The following RNGTT variants were observed in gnomAD, a reference collection of about 807,000 sequenced individuals.
RNGTT encodes RNA guanylyltransferase and 5'-phosphatase.
In RNGTT, 33 loss-of-function variants were observed where a neutral mutation model predicts 79.3. That is an observed-to-expected ratio of 0.42 (90% CI 0.32 to 0.56). The LOEUF (loss-of-function observed/expected upper bound fraction) is 0.56. RNGTT is among the 20% of genes least tolerant of loss of function. The pLI, the probability that RNGTT is intolerant of heterozygous loss-of-function variation, is 0.17. For synonymous variants in RNGTT, 222 were observed against 235.9 expected (o/e 0.94, Z 0.54); for missense variants, 497 against 739.1 (o/e 0.67, Z 3.80).
At chr6:88,928,896 C>T in intron 4 of RNGTT, 89 bp downstream of exon 4, 1 of 925,054 alleles carries the variant, frequency 1.1e-6, no homozygotes, top group Non-Finnish European at 1.7e-6. Flanking sequence ...ACAGAAAAAA[C>T]TTTCATATCA....
At chr6:88,754,823 T>C (rs1777953901) in intron 13 of RNGTT, among the ~76,000 whole-genome samples, 1 of 152,210 alleles carries the variant, frequency 6.6e-6, no homozygotes, top group African/African-American at 2.4e-5. Context: ...GCCAGACCCA[T>C]CCCTTTATTT....
intron 13 of RNGTT, among the ~76,000 whole-genome samples, chr6:88,745,642 G>A (rs533680106): frequency 3.3e-5 from 5 of 151,850 alleles, no homozygotes; most frequent in African/African-American, 9.7e-5. Flanking sequence ...GAAGAGTGCC[G>A]GTCTAAATAC....
chr6:88,806,148 TCA>T (rs1221953575), intron 11 of RNGTT, among the ~76,000 whole-genome samples: 1 of 151,882 alleles, frequency 6.6e-6, no homozygotes, highest in South Asian at 2.1e-4. Context: ...AAATTCTGTC[TCA>T]CACACACACA....
intron 12 of RNGTT, among the ~76,000 whole-genome samples, chr6:88,790,361 C>T (rs147416060): frequency 3.9e-4 from 59 of 152,312 alleles, no homozygotes; most frequent in Non-Finnish European, 6.8e-4. Context: ...CTCTCCTCCA[C>T]TGCGGGCAAA....
chr6:88,717,367 A>T (rs1230434223), intron 13 of RNGTT, among the ~76,000 whole-genome samples: 1 of 152,232 alleles, frequency 6.6e-6, no homozygotes, highest in Non-Finnish European at 1.5e-5. Flanking sequence ...TCCTTTCTCA[A>T]ATCACAAAGA....
intron 13 of RNGTT, among the ~76,000 whole-genome samples, chr6:88,746,419 A>G (rs958302512): frequency 1.3e-5 from 2 of 152,174 alleles, no homozygotes; most frequent in African/African-American, 4.8e-5. Flanking sequence ...AATCATCCCC[A>G]GAAGGGCCTA....
chr6:88,706,421 T>C (rs1393482883), intron 13 of RNGTT, among the ~76,000 whole-genome samples: 2 of 152,064 alleles, frequency 1.3e-5, no homozygotes, highest in Non-Finnish European at 2.9e-5. Context: ...ACTGTAAATT[T>C]ATCTATTTTA....
At chr6:88,728,715 CT>C (rs1217322691) in intron 13 of RNGTT, among the ~76,000 whole-genome samples, 4 of 152,238 alleles carry the variant, frequency 2.6e-5, no homozygotes, top group African/African-American at 9.6e-5. Flanking sequence ...AAATGTGTTT[CT>C]TTAATCCCCC....
intron 13 of RNGTT, among the ~76,000 whole-genome samples, chr6:88,714,810 G>A (rs367938606): frequency 5.3e-5 from 8 of 152,044 alleles, no homozygotes; most frequent in Non-Finnish European, 1.0e-4. Context: ...GTGAAATGAC[G>A]TATCTCAAAA....
chr6:88,760,016 C>T lies in RNGTT; in HGVS notation c.1439+9758G>A, dbSNP rs74324393. On this transcript the variant is annotated intron_variant, in intron 13 of 15. Coordinates refer to ENST00000369485, the MANE Select transcript of RNGTT (RefSeq NM_003800.5). ...TATTAATTGAGAAAAATCACATAAGCGAAAGGTACTAATGTAAAGAATAGT... is the reference window on the plus strand; with the variant it reads ...TATTAATTGAGAAAAATCACATAAGTGAAAGGTACTAATGTAAAGAATAGT... 4.5e-3 allele frequency among the ~76,000 whole-genome samples: 681 copies of T among 151,906 alleles called. 2 individuals carry two copies. Among genetic ancestry groups the T allele is most frequent in the African/African-American group, 0.016 (644 of 41,440 alleles).
chr6:88,956,841 C>A (rs1340924128), intron 1 of RNGTT, among the ~76,000 whole-genome samples: 3 of 152,038 alleles, frequency 2.0e-5, no homozygotes, highest in Non-Finnish European at 4.4e-5. Context: ...GAGTTCAAGA[C>A]CAGCCTGGCC....
intron 12 of RNGTT, among the ~76,000 whole-genome samples, chr6:88,784,781 G>C (rs1298939211): frequency 6.6e-6 from 1 of 152,062 alleles, no homozygotes; most frequent in African/African-American, 2.4e-5. Context: ...ATTCCAATAT[G>C]TCTCCCTAGA....
At chr6:88,944,974 C>A (rs187010041) in intron 1 of RNGTT, among the ~76,000 whole-genome samples, 1 of 152,340 alleles carries the variant, frequency 6.6e-6, no homozygotes, top group Admixed American at 6.5e-5. Context: ...TGCATCTGAT[C>A]TTTGGGCATT....
chr6:88,715,216 T>C (rs895679400), intron 13 of RNGTT, among the ~76,000 whole-genome samples: 19 of 152,114 alleles, frequency 1.2e-4, no homozygotes, highest in Middle Eastern at 3.2e-3. Context: ...CCATTCACAA[T>C]TGCTTCAAAA....
At chr6:88,868,861 T>A (rs1782264288) in intron 8 of RNGTT, among the ~76,000 whole-genome samples, 1 of 152,182 alleles carries the variant, frequency 6.6e-6, no homozygotes, top group Non-Finnish European at 1.5e-5. Context: ...TTTCATACTC[T>A]CATGTTATTT....
chr6:88,783,124 C>T (rs1445514450), intron 12 of RNGTT, among the ~76,000 whole-genome samples: 2 of 152,036 alleles, frequency 1.3e-5, no homozygotes, highest in African/African-American at 2.4e-5. Flanking sequence ...TGCACAATAG[C>T]GAAGATATGG....
At chr6:88,920,322 G>A (rs1176363789) in intron 4 of RNGTT, among the ~76,000 whole-genome samples, 3 of 151,904 alleles carry the variant, frequency 2.0e-5, no homozygotes, top group Admixed American at 6.6e-5. Context: ...ATCACCTCTA[G>A]GTATTACTTA....
intron 2 of RNGTT, among the ~76,000 whole-genome samples, chr6:88,940,188 G>A (rs1165099026): frequency 1.3e-5 from 2 of 149,306 alleles, no homozygotes; most frequent in African/African-American, 4.9e-5. Context: ...AGCGATTCTT[G>A]TGCCTCAGCC....
intron 12 of RNGTT, among the ~76,000 whole-genome samples, chr6:88,770,569 T>C (rs1234234107): frequency 6.6e-6 from 1 of 152,210 alleles, no homozygotes; most frequent in African/African-American, 2.4e-5. Flanking sequence ...TCTGGGTTGT[T>C]TCCAGTTTTT....
Sources: gnomAD v4.1 joint callset for allele counts (sites outside exome capture counted in the v4.1 genomes callset) on GRCh38, gnomAD v4.1.1 for gene constraint, MANE v1.5 for transcripts, NCBI Gene and HGNC (gene_info 2026-07-23, HGNC 2026-07-21) for gene names.